The following SEMA5A variants were observed in gnomAD, a reference collection of about 807,000 sequenced individuals.
The protein encoded by SEMA5A is semaphorin 5A.
A neutral mutation model predicts 135.5 loss-of-function variants in SEMA5A; 55 were observed. That is an observed-to-expected ratio of 0.41 (90% confidence interval 0.33 to 0.51). The LOEUF (loss-of-function observed/expected upper bound fraction) is 0.51, where lower values mean the gene tolerates loss of function less well. Among genes scored for constraint, SEMA5A ranks in the 20% least tolerant of loss-of-function variants. SEMA5A has a pLI of 0.37. For synonymous variants in SEMA5A, 580 were observed against 546.5 expected, an observed-to-expected ratio of 1.06 and a Z score of -0.85; for missense variants, 1,290 against 1,419.9, an observed-to-expected ratio of 0.91 and a Z score of 1.47.
intron 12 of SEMA5A, among the ~76,000 whole-genome samples, chr5:9,138,712 A>G (rs940053945): frequency 3.9e-5 from 6 of 152,192 alleles, no homozygotes; most frequent in Admixed American, 2.0e-4. Context: ...AGCAGTATAC[A>G]ATATCCACTG....
chr5:9,355,986 C>T (rs188535078), intron 3 of SEMA5A, among the ~76,000 whole-genome samples: 5 of 152,246 alleles, frequency 3.3e-5, no homozygotes, highest in East Asian at 3.9e-4. Context: ...GATTATTTAA[C>T]GCCATCCCTG....
intron 5 of SEMA5A, among the ~76,000 whole-genome samples, chr5:9,315,314 A>G (rs1752342007): frequency 6.6e-6 from 1 of 152,186 alleles, no homozygotes; most frequent in Non-Finnish European, 1.5e-5. Flanking sequence ...AGTTACAGAA[A>G]TGATATCCAT....
rs369624742 is a variant in SEMA5A, at chr5:9,415,962, T to A, written c.-78+21794A>T. Among the ~76,000 whole-genome samples, 61 of 152,286 alleles carry A rather than the reference T, an allele frequency of 4.0e-4. 1 individual carries two copies. The South Asian group carries it at 0.012, about 31-fold the overall frequency. The stretch of plus-strand genomic sequence containing the variant: ...AGCCAAAAAATAAAATAAAATAAAT[T>A]GTCCTTTCAAAGGCAGCTTTAAAGT... On this transcript the variant is annotated intron_variant, in intron 2 of 22. Transcript: ENST00000382496.
At chr5:9,216,653 T>C (rs1411876937) in intron 8 of SEMA5A, among the ~76,000 whole-genome samples, 1 of 152,186 alleles carries the variant, frequency 6.6e-6, no homozygotes, top group Non-Finnish European at 1.5e-5. Context: ...AACTTATGAA[T>C]CTGGGTGCTA....
intron 2 of SEMA5A, among the ~76,000 whole-genome samples, chr5:9,387,030 G>A (rs777160323): frequency 2.6e-5 from 4 of 152,188 alleles, no homozygotes; most frequent in Non-Finnish European, 2.9e-5. Context: ...TTGTAGCTGA[G>A]AAGGCTATGG....
In SEMA5A at chr5:9,219,117, C is replaced by T. The variant is rs556685520; in HGVS notation, c.646+5557G>A. 7.2e-5 allele frequency among the ~76,000 whole-genome samples: 11 copies of T among 152,352 alleles called. No individual in the cohort carries two copies. The South Asian group carries it at 1.2e-3, about 17-fold the overall frequency. The stretch of plus-strand genomic sequence containing the variant: ...ATGCCCCAAGGGCCAAGCCTCAGAT[C>T]GTCTAACTCCAAAGCTTCTACTGTC... On this transcript the variant is annotated intron_variant, in intron 8 of 22. Transcript: ENST00000382496.
intron 14 of SEMA5A, among the ~76,000 whole-genome samples, chr5:9,119,348 C>T (rs533636070): frequency 6.6e-6 from 1 of 151,964 alleles, no homozygotes; most frequent in Non-Finnish European, 1.5e-5. Context: ...TGGTTTATAG[C>T]CAAGATAGGA....
At chr5:9,512,852 C>T (rs910218170) in intron 1 of SEMA5A, among the ~76,000 whole-genome samples, 2 of 152,012 alleles carry the variant, frequency 1.3e-5, no homozygotes, top group East Asian at 2.0e-4. Context: ...GTCACATAAA[C>T]GTGACCTGAA....
chr5:9,500,553 C>T (rs372325971), intron 1 of SEMA5A, among the ~76,000 whole-genome samples: 31 of 152,298 alleles, frequency 2.0e-4, no homozygotes, highest in African/African-American at 7.2e-4. Context: ...ACCCACTGAG[C>T]TGATCCATGC....
chr5:9,499,190 A>T (rs1443598296), intron 1 of SEMA5A, among the ~76,000 whole-genome samples: 1 of 152,162 alleles, frequency 6.6e-6, no homozygotes, highest in South Asian at 2.1e-4. Context: ...CTTCACAATA[A>T]TCCAAGTCCT....
chr5:9,043,193 A>C, intron 22 of SEMA5A, 177 bp from the exon 23 acceptor site: 1 of 566,600 alleles, frequency 1.8e-6, no homozygotes, highest in Non-Finnish European at 3.0e-6. Context: ...GGACTTGCCT[A>C]ATTACCAGAA....
Position 9,544,912 on chromosome 5 carries a change from G to A in SEMA5A, c.-175+672C>T, listed in dbSNP as rs147549180. Among the ~76,000 whole-genome samples, 8 of 152,310 alleles carry A rather than the reference G, an allele frequency of 5.3e-5. No individual in the cohort carries two copies. In the East Asian group the frequency reaches 1.2e-3, roughly 22 times the overall value. ...GAGCCCGATCTGCCCGAAACCCTGG[G>A]GTCTGAAACCCTGAGCCGCGGTGTG... On this transcript the variant is annotated intron_variant, in intron 1 of 22. Transcript: ENST00000382496.
chr5:9,416,877 T>G (rs565275434), intron 2 of SEMA5A, among the ~76,000 whole-genome samples: 3 of 152,296 alleles, frequency 2.0e-5, no homozygotes, highest in African/African-American at 7.2e-5. Flanking sequence ...GAAGGGATTA[T>G]CCGGTGCAAA....
intron 5 of SEMA5A, among the ~76,000 whole-genome samples, chr5:9,273,864 A>G (rs192617083): frequency 0.01 from 1,550 of 152,174 alleles, 27 homozygotes; most frequent in African/African-American, 0.036. Flanking sequence ...AGGAACAACC[A>G]GTACCAGCCA....
intron 16 of SEMA5A, among the ~76,000 whole-genome samples, chr5:9,072,911 G>C (rs1219291588): frequency 6.6e-6 from 1 of 152,126 alleles, no homozygotes; most frequent in Non-Finnish European, 1.5e-5. Flanking sequence ...AACTGATGCA[G>C]ATATGACACA....
At chr5:9,349,957 CA>C (rs1158104927) in intron 3 of SEMA5A, among the ~76,000 whole-genome samples, 2 of 151,918 alleles carry the variant, frequency 1.3e-5, no homozygotes, top group Non-Finnish European at 2.9e-5. Flanking sequence ...AAATAAAATT[CA>C]TTGAGGTATC....
At chr5:9,368,130 T>G (rs1305167429) in intron 3 of SEMA5A, among the ~76,000 whole-genome samples, 2 of 152,220 alleles carry the variant, frequency 1.3e-5, no homozygotes, top group Non-Finnish European at 2.9e-5. Flanking sequence ...TCATTAAAGA[T>G]AATCTTGGAT....
chr5:9,446,187 G>T (rs1758426220), intron 1 of SEMA5A, among the ~76,000 whole-genome samples: 1 of 152,162 alleles, frequency 6.6e-6, no homozygotes, highest in Non-Finnish European at 1.5e-5. Flanking sequence ...AATATTTAAA[G>T]CTAGTAGAAA....
chr5:9,521,648 T>G (rs1028940451), intron 1 of SEMA5A, among the ~76,000 whole-genome samples: 12 of 152,202 alleles, frequency 7.9e-5, no homozygotes, highest in Non-Finnish European at 1.2e-4. Flanking sequence ...CCATTCCATT[T>G]ATTTGAAACT....
Sources: gnomAD v4.1 joint callset for allele counts (sites outside exome capture counted in the v4.1 genomes callset) on GRCh38, gnomAD v4.1.1 for gene constraint, MANE v1.5 for transcripts, NCBI Gene and HGNC (gene_info 2026-07-23, HGNC 2026-07-21) for gene names.